The following RABGAP1L variants were observed in gnomAD, a reference collection of about 807,000 sequenced individuals.
RABGAP1L encodes the protein rab GTPase-activating protein 1-like.
Under a neutral mutation model 137.7 loss-of-function variants are expected in RABGAP1L, and 63 were observed. That is an observed-to-expected ratio of 0.46 (90% CI 0.37 to 0.56). The LOEUF is 0.56. RABGAP1L is among the 20% of genes least tolerant of loss of function. The pLI is 0.00. For synonymous variants in RABGAP1L, 431 were observed against 433.7 expected (o/e 0.99, Z 0.08); for missense variants, 1,095 against 1,244.0 (o/e 0.88, Z 1.80).
intron 17 of RABGAP1L, among the ~76,000 whole-genome samples, chr1:174,707,216 T>C (rs1322386111): frequency 6.9e-6 from 1 of 144,862 alleles, no homozygotes; most frequent in Non-Finnish European, 1.5e-5. Flanking sequence ...CAAGGTTTTG[T>C]TCTGTTTTGT....
chr1:174,438,418 C>G (rs931217433), intron 13 of RABGAP1L, among the ~76,000 whole-genome samples: 1 of 151,842 alleles, frequency 6.6e-6, no homozygotes, highest in South Asian at 2.1e-4. Flanking sequence ...ATTGATTCTC[C>G]CATTGCATAA....
At chr1:174,863,005 C>T (rs751331264) in intron 19 of RABGAP1L, among the ~76,000 whole-genome samples, 3 of 151,760 alleles carry the variant, frequency 2.0e-5, no homozygotes, top group Non-Finnish European at 2.9e-5. Context: ...AGTGATTCTC[C>T]TGCCTCAGCC....
At chr1:174,664,524 T>G (rs1391278928) in intron 14 of RABGAP1L, among the ~76,000 whole-genome samples, 1 of 152,110 alleles carries the variant, frequency 6.6e-6, no homozygotes, top group East Asian at 1.9e-4. Context: ...GTAATATACA[T>G]TCAAATGAAT....
intron 1 of RABGAP1L, among the ~76,000 whole-genome samples, chr1:174,171,560 G>T (rs765783014): frequency 2.0e-5 from 3 of 151,862 alleles, no homozygotes; most frequent in African/African-American, 7.3e-5. Context: ...TAGACTTCGC[G>T]CTATACATTA....
At position 174,828,143 on chromosome 1, in the gene RABGAP1L, A is replaced by G. The variant is rs547299003; in HGVS notation, c.2340+16183A>G. On this transcript the variant is annotated intron_variant, in intron 19 of 25. Transcript: ENST00000681986. ...CAGACATTGCTTCTGTGAAGGAAAC[A>G]TTTTGAAGATTGTCTGACATAGTAG... 1.3e-4 allele frequency among the ~76,000 whole-genome samples: 20 copies of G among 148,304 alleles called. 5 individuals carry two copies. The highest frequency in any genetic ancestry group is 2.6e-4 in the Non-Finnish European group (17 of 66,596).
rs1477563703 is a variant in RABGAP1L, at chr1:174,994,600, T to TA, written c.*4603dup. ...TAATAACTATATATTATATATGGGA[T>TA]AAAATATATGGACTGAATTGTGAGA... On this transcript the variant is annotated 3_prime_UTR_variant, in exon 26 of 26. Coordinates refer to ENST00000681986, the MANE Select transcript of RABGAP1L (RefSeq NM_001366446.1). 6.6e-6 allele frequency: 1 copy of TA among 152,248 alleles called. No individual in the cohort carries two copies. The highest frequency in any genetic ancestry group is 1.5e-5 in the Non-Finnish European group (1 of 68,048). 9.4% of individuals were successfully genotyped at this position (152,248 alleles called of 1,614,324 possible).
intron 21 of RABGAP1L, among the ~76,000 whole-genome samples, chr1:174,975,526 G>C (rs1670568537): frequency 3.3e-5 from 5 of 152,128 alleles, no homozygotes; most frequent in Admixed American, 2.6e-4. Context: ...TCACTGCCCT[G>C]TGTGAGTGGC....
At chr1:174,318,154 G>C (rs867902841) in intron 11 of RABGAP1L, among the ~76,000 whole-genome samples, 1 of 151,538 alleles carries the variant, frequency 6.6e-6, no homozygotes, top group Admixed American at 6.6e-5. Context: ...TTCTTTTTCT[G>C]TGTAGATAGT....
chr1:174,900,046 C>A (rs1657884665), intron 19 of RABGAP1L, among the ~76,000 whole-genome samples: 1 of 152,146 alleles, frequency 6.6e-6, no homozygotes, highest in Non-Finnish European at 1.5e-5. Flanking sequence ...GATTTTAACT[C>A]AATTTGGGAA....
intron 13 of RABGAP1L, among the ~76,000 whole-genome samples, chr1:174,394,529 ATTC>A (rs1287038979): frequency 5.3e-5 from 8 of 152,208 alleles, no homozygotes; most frequent in Non-Finnish European, 8.8e-5. Context: ...GAAATTAAAA[ATTC>A]TTCTGTGCTT....
At chr1:174,167,236 A>T (rs3086) in intron 1 of RABGAP1L, among the ~76,000 whole-genome samples, 1 of 152,006 alleles carries the variant, frequency 6.6e-6, no homozygotes, top group Admixed American at 6.5e-5. Context: ...GAGGCATGTT[A>T]GTTTTCACGA....
intron 11 of RABGAP1L, among the ~76,000 whole-genome samples, chr1:174,306,755 A>T (rs1678298296): frequency 6.6e-6 from 1 of 152,132 alleles, no homozygotes; most frequent in Non-Finnish European, 1.5e-5. Context: ...GCTGCTGAGC[A>T]ATAACTGACC....
At chr1:174,877,575 T>C in intron 19 of RABGAP1L, 5 of 1,613,782 alleles carry the variant, frequency 3.1e-6, no homozygotes, top group Non-Finnish European at 3.4e-6. Flanking sequence ...TCCTCACTAG[T>C]CTGGTGGCCA....
rs577440143 is a variant in RABGAP1L at position 174,570,267 on chromosome 1, A to G, written c.1711-67108A>G. Among the ~76,000 whole-genome samples the G allele has an allele frequency of 1.1e-4, 17 of 152,324 alleles. No homozygotes were observed. In the South Asian group the frequency reaches 3.5e-3, roughly 32 times the overall value. On this transcript the variant is annotated intron_variant, in intron 13 of 25. Transcript: ENST00000681986. ...TGTCATCATCACTATGCATAGAGGTATAACGGTGATGCAGGGTGGTTTTCA... is the reference window on the plus strand; with the variant it reads ...TGTCATCATCACTATGCATAGAGGTGTAACGGTGATGCAGGGTGGTTTTCA...
At chr1:174,620,425 A>G (rs1672337617) in intron 13 of RABGAP1L, among the ~76,000 whole-genome samples, 2 of 152,250 alleles carry the variant, frequency 1.3e-5, no homozygotes. Context: ...AGAAATTATA[A>G]CAAACTGTCT....
chr1:174,917,128 A>G (rs375453937), intron 19 of RABGAP1L, among the ~76,000 whole-genome samples: 1 of 152,114 alleles, frequency 6.6e-6, no homozygotes. Flanking sequence ...CTCCACCCTC[A>G]TGACTTTATC....
intron 19 of RABGAP1L, among the ~76,000 whole-genome samples, chr1:174,823,935 C>A (rs138755051): frequency 2.4e-4 from 36 of 152,290 alleles, no homozygotes; most frequent in Non-Finnish European, 4.3e-4. Flanking sequence ...TTGCCGATCA[C>A]TTGAGGTCAG....
chr1:174,855,261 A>G (rs1006983787), intron 19 of RABGAP1L, among the ~76,000 whole-genome samples: 1 of 152,188 alleles, frequency 6.6e-6, no homozygotes, highest in Admixed American at 6.5e-5. Context: ...AGCAAATCTG[A>G]ACCAGGCAGC....
intron 19 of RABGAP1L, among the ~76,000 whole-genome samples, chr1:174,944,393 CA>C (rs1197825399): frequency 1.3e-5 from 2 of 151,668 alleles, no homozygotes; most frequent in African/African-American, 4.8e-5. Flanking sequence ...CCTGTAATGC[CA>C]GCACTTTGGG....
Sources: allele counts gnomAD v4.1 joint callset (sites outside exome capture counted in the v4.1 genomes callset), GRCh38; gene constraint gnomAD v4.1.1; transcripts MANE v1.5; gene names NCBI Gene and HGNC (gene_info 2026-07-23, HGNC 2026-07-21).